Variants in AQR observed in about 807,000 individuals in gnomAD.
AQR encodes aquarius intron-binding spliceosomal factor, also known as RNA helicase aquarius.
In AQR, 61 loss-of-function variants were observed where a neutral mutation model predicts 180.5. The ratio of observed to expected loss-of-function variants is 0.34; its 90% CI spans 0.28 to 0.42. The LOEUF (loss-of-function observed/expected upper bound fraction) is 0.42. AQR is among the 10% of genes least tolerant of loss of function. The probability of loss-of-function intolerance (pLI) is 1.00; values close to 1 mark genes in which losing one functional copy is unlikely to be tolerated. For missense variants in AQR, 1,281 were observed against 1,798.3 expected (o/e 0.71, Z 5.20); for synonymous variants, 551 against 588.8 (o/e 0.94, Z 0.93).
At chr15:34,911,899 T>C (rs1893505320) in intron 16 of AQR, among the ~76,000 whole-genome samples, 1 of 71,430 alleles carries the variant, frequency 1.4e-5, no homozygotes, top group Non-Finnish European at 4.0e-5. Context: ...CTATGTTTTC[T>C]TCTCGGAGTT....
intron 34 of AQR, among the ~76,000 whole-genome samples, chr15:34,858,581 A>G (rs772707370): frequency 4.6e-5 from 7 of 152,166 alleles, no homozygotes; most frequent in Non-Finnish European, 7.4e-5. Flanking sequence ...GTAGAAACTG[A>G]CCTGCTGATT....
rs191496192 is a variant in AQR, at chr15:34,878,745, T to C, written c.3166-2739A>G. Among the ~76,000 whole-genome samples the C allele has an allele frequency of 5.1e-3, 778 of 152,164 alleles. 3 individuals carry two copies. Among genetic ancestry groups the C allele is most frequent in the Middle Eastern group, 0.01 (3 of 294 alleles). On this transcript the variant is annotated intron_variant, in intron 27 of 34. Coordinates refer to ENST00000156471, the MANE Select transcript of AQR (RefSeq NM_014691.3). ...TATTTAACTTCGTGTTTGTAAAAAA[T>C]TGGGGCTGGGTGCAGTTGCTCATGC...
intron 6 of AQR, chr15:34,943,257 G>C (rs1230302259): frequency 4.4e-6 from 7 of 1,602,798 alleles, no homozygotes; most frequent in Non-Finnish European, 6.0e-6. Context: ...CTGGAAAAAG[G>C]CTAAAACTAC....
At chr15:34,913,508 T>C (rs528694191) in intron 16 of AQR, among the ~76,000 whole-genome samples, 1 of 152,308 alleles carries the variant, frequency 6.6e-6, no homozygotes, top group Non-Finnish European at 1.5e-5. Flanking sequence ...AATCTATTAT[T>C]ACCAGTGTGA....
At chr15:34,940,312 C>T (rs751420812) in intron 8 of AQR, among the ~76,000 whole-genome samples, 14 of 152,172 alleles carry the variant, frequency 9.2e-5, no homozygotes, top group South Asian at 2.1e-4. Context: ...AGGCGGATCA[C>T]CTAAGGTCGG....
At chr15:34,876,085 C>A (rs982107761) in intron 27 of AQR, 79 bp from the exon 28 acceptor site, 15 of 1,037,520 alleles carry the variant, frequency 1.4e-5, no homozygotes, top group African/African-American at 3.2e-5. Flanking sequence ...ATCAAAAAAA[C>A]CCCAAATAAT....
intron 17 of AQR, among the ~76,000 whole-genome samples, chr15:34,907,760 A>G (rs1464451791): frequency 6.6e-6 from 1 of 152,208 alleles, no homozygotes; most frequent in Non-Finnish European, 1.5e-5. Flanking sequence ...TACCTGTGTG[A>G]TGTCTGATCT....
Position 34,870,206 on chromosome 15 carries a change from T to G in AQR, c.3768+546A>C, listed in dbSNP as rs943499720. On this transcript the variant is annotated intron_variant, in intron 31 of 34. Transcript: ENST00000156471. ...TTTCCAAAAAAGGTGAGCTTTTACA[T>G]AGCCATGTTCATAGCCAAAGTCCTA... 2.0e-5 allele frequency: 3 copies of G among 152,268 alleles called. No individual in the cohort carries two copies. The East Asian group carries it at 5.8e-4, about 29-fold the overall frequency. The allele number at this position is 152,268 out of a possible 1,614,324, so 9.4% of individuals were successfully genotyped here.
chr15:34,869,749 G>C (rs926257408), intron 31 of AQR: 5 of 151,998 alleles, frequency 3.3e-5, no homozygotes, highest in African/African-American at 1.2e-4. Context: ...TCATTCCTCT[G>C]ATTTTATTTT....
intron 3 of AQR, among the ~76,000 whole-genome samples, chr15:34,954,818 A>G (rs929880961): frequency 7.2e-5 from 11 of 152,156 alleles, no homozygotes; most frequent in African/African-American, 2.7e-4. Context: ...CCATGTCAGA[A>G]GAATTTTAAA....
intron 33 of AQR, among the ~76,000 whole-genome samples, chr15:34,862,075 G>C (rs113586202): frequency 6.4e-4 from 97 of 152,180 alleles, no homozygotes; most frequent in African/African-American, 1.9e-3. Flanking sequence ...TGAAACTAAA[G>C]AAACTGGTTA....
rs562359295 is a variant in AQR at position 34,861,480 on chromosome 15, G to A, written c.4030-1325C>T. ...CCTCCCCAGGGCCTTGAACTCATGA[G>A]TGTTATCTAAAGCATGGGTTTCCAA... is the stretch of plus-strand genomic sequence containing the variant. On this transcript the variant is annotated intron_variant, in intron 33 of 34. Transcript: ENST00000156471. 1.2e-3 allele frequency among the ~76,000 whole-genome samples: 180 copies of A among 152,318 alleles called. 1 individual carries two copies. The highest frequency in any genetic ancestry group is 4.1e-3 in the African/African-American group (169 of 41,568).
intron 23 of AQR, among the ~76,000 whole-genome samples, chr15:34,890,900 T>C (rs1893135198): frequency 6.6e-6 from 1 of 152,194 alleles, no homozygotes; most frequent in Non-Finnish European, 1.5e-5. Flanking sequence ...TGTTCATAAT[T>C]AGGGTTCCCT....
chr15:34,910,022 C>A, intron 17 of AQR, 113 bp downstream of exon 17: 2 of 1,230,132 alleles, frequency 1.6e-6, no homozygotes, highest in Non-Finnish European at 2.3e-6. Context: ...TCAAGGATAA[C>A]GCTTAATAAA....
intron 24 of AQR, among the ~76,000 whole-genome samples, chr15:34,887,173 T>C (rs1366122463): frequency 2.0e-5 from 3 of 151,956 alleles, no homozygotes; most frequent in East Asian, 1.9e-4. Context: ...TGGAACAGTA[T>C]TGATCTGCAA....
chr15:34,890,379 AT>A, intron 23 of AQR, 55 bp from the exon 24 acceptor site: 1 of 1,423,328 alleles, frequency 7.0e-7, no homozygotes, highest in Non-Finnish European at 9.8e-7. Context: ...AAAAACTAAC[AT>A]TTAGAAAGAA....
At chr15:34,922,157 C>A (rs1893693103) in intron 13 of AQR, among the ~76,000 whole-genome samples, 1 of 152,088 alleles carries the variant, frequency 6.6e-6, no homozygotes, top group Non-Finnish European at 1.5e-5. Flanking sequence ...TAGCATAATG[C>A]ATTTGAGCAT....
At chr15:34,948,510 C>T (rs1454955292) in intron 4 of AQR, 126 bp from the exon 5 acceptor site, 2 of 1,246,760 alleles carry the variant, frequency 1.6e-6, no homozygotes, top group Admixed American at 2.6e-5. Flanking sequence ...CTATTTATAA[C>T]TTGGAATCCT....
At chr15:34,969,452 C>T (rs2050331947) in intron 1 of AQR, 87 bp downstream of exon 1, 2 of 1,452,048 alleles carry the variant, frequency 1.4e-6, no homozygotes, top group East Asian at 2.4e-5. Context: ...CTCCGGACTC[C>T]TAAATCCTGA....
Sources: gnomAD v4.1 joint callset for allele counts (sites outside exome capture counted in the v4.1 genomes callset) on GRCh38, gnomAD v4.1.1 for gene constraint, MANE v1.5 for transcripts, NCBI Gene and HGNC (gene_info 2026-07-23, HGNC 2026-07-21) for gene names.